GNG7: variants seen among roughly 807,000 people sequenced by gnomAD.
GNG7 encodes guanine nucleotide-binding protein G(I)/G(S)/G(O) subunit gamma-7.
GNG7 carries 1 observed loss-of-function variant against 4.0 expected under a neutral mutation model. The observed-to-expected ratio is 0.25, with a 90% CI of 0.09 to 1.18. The LOEUF (loss-of-function observed/expected upper bound fraction) is 1.18. Ranked by LOEUF, GNG7 falls within the 50% of genes most tolerant of loss-of-function variation. GNG7 has a pLI of 0.50. For missense variants in GNG7, 86 were observed against 91.9 expected, an observed-to-expected ratio of 0.94 and a Z score of 0.26; for synonymous variants, 34 against 36.9, an observed-to-expected ratio of 0.92 and a Z score of 0.29.
intron 1 of GNG7, among the ~76,000 whole-genome samples, chr19:2,694,874 G>GTCTGTAATCCCA (rs1568287337): frequency 7.9e-5 from 12 of 151,652 alleles, no homozygotes; most frequent in Admixed American, 5.2e-4. Context: ...GACGCTGCTC[G>GTCTGTAATCCCA]GCACCTCAGG....
At chr19:2,695,270 C>T (rs1285535860) in intron 1 of GNG7, among the ~76,000 whole-genome samples, 3 of 151,528 alleles carry the variant, frequency 2.0e-5, no homozygotes, top group African/African-American at 2.4e-5. Context: ...CTGGACCTTC[C>T]GCAGCCCCCT....
Position 2,689,671 on chromosome 19 carries a change from G to A in GNG7, c.-135+12975C>T, listed in dbSNP as rs1295848106. Among the ~76,000 whole-genome samples the A allele has an allele frequency of 2.1e-5, 3 of 143,720 alleles. No homozygotes were observed. In the East Asian group the frequency reaches 6.1e-4, roughly 29 times the overall value. The allele number at this position is 143,720 out of a possible 152,430, so 94.3% of individuals were successfully genotyped here. On this transcript the variant is annotated intron_variant, in intron 1 of 4. Coordinates refer to ENST00000382159, the MANE Select transcript of GNG7 (RefSeq NM_052847.3). ...AAAACCATATTCGATGCAATTCTCTGAAGTTAACTGTTAGAGCTCTGACAA... is the reference window on the plus strand; with the variant it reads ...AAAACCATATTCGATGCAATTCTCTAAAGTTAACTGTTAGAGCTCTGACAA...
intron 3 of GNG7, among the ~76,000 whole-genome samples, chr19:2,545,649 T>TAA (rs34706450): frequency 1.3e-3 from 115 of 90,524 alleles, no homozygotes; most frequent in African/African-American, 3.9e-3. Context: ...GAAACTGTCT[T>TAA]AAAAAAAAAA....
chr19:2,637,083 C>T (rs1448419768), intron 2 of GNG7, among the ~76,000 whole-genome samples: 1 of 151,982 alleles, frequency 6.6e-6, no homozygotes, highest in Non-Finnish European at 1.5e-5. Flanking sequence ...GCACCCCCCG[C>T]ATCTCCAGCC....
chr19:2,652,811 A>G (rs1982866056), intron 1 of GNG7, among the ~76,000 whole-genome samples: 1 of 151,428 alleles, frequency 6.6e-6, no homozygotes, highest in African/African-American at 2.4e-5. Flanking sequence ...GGCTGGGCAC[A>G]AGGGCTCATG....
intron 3 of GNG7, among the ~76,000 whole-genome samples, chr19:2,523,740 G>A (rs1978322568): frequency 6.6e-6 from 1 of 152,128 alleles, no homozygotes; most frequent in South Asian, 2.1e-4. Flanking sequence ...GTTACCACCA[G>A]GGACGGCCGG....
At position 2,544,373 on chromosome 19, in the gene GNG7, C is replaced by G. The variant is rs1979057519; in HGVS notation, c.-38+10776G>C. On this transcript the variant is annotated intron_variant, in intron 3 of 4. Coordinates refer to ENST00000382159, the MANE Select transcript of GNG7 (RefSeq NM_052847.3). The stretch of plus-strand genomic sequence containing the variant: ...CCTGCTGTGGGCACGAGGGCCTCAG[C>G]CATGAGCACCCCCGGGAGCCATGAG... 3.9e-5 allele frequency among the ~76,000 whole-genome samples: 6 copies of G among 152,274 alleles called. No homozygotes were observed. In the South Asian group the frequency reaches 1.0e-3, roughly 26 times the overall value.
At chr19:2,651,308 TCCA>T (rs1446396725) in intron 1 of GNG7, among the ~76,000 whole-genome samples, 18 of 57,132 alleles carry the variant, frequency 3.2e-4, no homozygotes, top group Admixed American at 1.1e-3. Context: ...CTACCTTCCC[TCCA>T]TCCCTCCCTC....
chr19:2,651,311 A>T (rs1314185874), intron 1 of GNG7, among the ~76,000 whole-genome samples: 21 of 13,896 alleles, frequency 1.5e-3, no homozygotes, highest in African/African-American at 4.9e-3. Context: ...CCTTCCCTCC[A>T]TCCCTCCCTC....
chr19:2,657,006 G>T (rs56328163), intron 1 of GNG7, among the ~76,000 whole-genome samples: 2,190 of 151,974 alleles, frequency 0.014, 34 homozygotes, highest in African/African-American at 0.038. Context: ...ATGAAACAGC[G>T]TCAGATCAAT....
intron 2 of GNG7, among the ~76,000 whole-genome samples, chr19:2,619,099 T>C (rs1981798681): frequency 6.6e-6 from 1 of 152,238 alleles, no homozygotes; most frequent in Non-Finnish European, 1.5e-5. Context: ...TGAATACCTA[T>C]TTGATTGACA....
At chr19:2,567,253 C>T (rs1278656602) in intron 2 of GNG7, among the ~76,000 whole-genome samples, 1 of 151,872 alleles carries the variant, frequency 6.6e-6, no homozygotes, top group African/African-American at 2.4e-5. Flanking sequence ...TTGGGTTGGC[C>T]GTGATCATTC....
intron 2 of GNG7, among the ~76,000 whole-genome samples, chr19:2,629,671 G>A (rs1217173699): frequency 1.3e-5 from 2 of 152,114 alleles, no homozygotes; most frequent in Non-Finnish European, 2.9e-5. Context: ...GGGGGCACAC[G>A]GTGATTGGAA....
chr19:2,538,198 T>C, intron 3 of GNG7: 1 of 456,718 alleles, frequency 2.2e-6, no homozygotes, highest in South Asian at 1.5e-5. Flanking sequence ...GATGACTTTA[T>C]TGTAAAAAGA....
chr19:2,549,890 C>T (rs566373240), intron 3 of GNG7, among the ~76,000 whole-genome samples: 51 of 152,334 alleles, frequency 3.3e-4, no homozygotes, highest in Non-Finnish European at 4.6e-4. Flanking sequence ...TGATGACACG[C>T]ATGGAATTTC....
At chr19:2,531,118 C>T (rs1036159185) in intron 3 of GNG7, among the ~76,000 whole-genome samples, 2 of 151,896 alleles carry the variant, frequency 1.3e-5, no homozygotes, top group Non-Finnish European at 2.9e-5. Flanking sequence ...CTAGCCTGGT[C>T]AACATGGTGA....
intron 2 of GNG7, among the ~76,000 whole-genome samples, chr19:2,597,221 C>T (rs572991745): frequency 2.0e-4 from 30 of 152,002 alleles, no homozygotes; most frequent in African/African-American, 4.8e-4. Flanking sequence ...GCTGAGATGG[C>T]GTTACTGCAC....
At chr19:2,668,571 G>A (rs184388413) in intron 1 of GNG7, among the ~76,000 whole-genome samples, 74 of 152,274 alleles carry the variant, frequency 4.9e-4, no homozygotes, top group Admixed American at 4.8e-3. Flanking sequence ...AATTTCGGCA[G>A]CATGGTGTAT....
chr19:2,640,966 C>A (rs1300667741), intron 2 of GNG7, among the ~76,000 whole-genome samples: 1 of 152,190 alleles, frequency 6.6e-6, no homozygotes, highest in Non-Finnish European at 1.5e-5. Context: ...GATCAAAGGG[C>A]TTCAGGCCAA....
Sources: gnomAD v4.1 joint callset for allele counts (sites outside exome capture counted in the v4.1 genomes callset) on GRCh38, gnomAD v4.1.1 for gene constraint, MANE v1.5 for transcripts, NCBI Gene and HGNC (gene_info 2026-07-23, HGNC 2026-07-21) for gene names.